Variants in ADGRG2 observed in about 807,000 individuals in gnomAD.
The protein encoded by ADGRG2 is G protein-coupled receptor 64.
A neutral mutation model predicts 74.1 loss-of-function variants in ADGRG2; 26 were observed. The observed-to-expected ratio is 0.35, with a 90% CI of 0.26 to 0.49. The LOEUF (loss-of-function observed/expected upper bound fraction) is 0.49. Ranked by LOEUF, ADGRG2 falls within the 20% of genes least tolerant of loss-of-function variation. ADGRG2 has a pLI of 0.99. For missense variants in ADGRG2, 619 were observed against 763.1 expected (o/e 0.81, Z 2.22); for synonymous variants, 296 against 295.2 (o/e 1.00, Z -0.03).
chrX:19,054,991 T>G (rs1204244533), intron 3 of ADGRG2, among the ~76,000 whole-genome samples: 1 of 111,821 alleles, frequency 8.9e-6, no homozygotes, highest in Non-Finnish European at 1.9e-5. Context: ...TTCTGCAGGA[T>G]ATCCATACTG....
chrX:19,054,687 T>A (rs750744651), intron 3 of ADGRG2, among the ~76,000 whole-genome samples: 4 of 112,287 alleles, frequency 3.6e-5, no homozygotes, highest in Non-Finnish European at 7.5e-5. Flanking sequence ...CATGCTAGCA[T>A]GTGTGGTGGC....
intron 1 of ADGRG2, among the ~76,000 whole-genome samples, chrX:19,100,184 G>A (rs1465528901): frequency 2.7e-5 from 3 of 112,696 alleles, no homozygotes; most frequent in Non-Finnish European, 5.6e-5. Context: ...AGATGACATC[G>A]TGTTCCTGAC....
In ADGRG2 at chrX:19,068,808, GC is replaced by G; in HGVS notation, c.26del (p.Gly9AlafsTer11). On this transcript the variant is annotated frameshift_variant, in exon 3 of 29. Transcript: ENST00000379869. LOFTEE classifies it high-confidence loss of function. ...AAACTTCTTCAGTTCTGCCAACATG[GC>G]CACACTGCCTGACAGAGAAAACCAT... MVFSVRQC[G>X]HVGRTEEVLL... is the part of the protein sequence containing the mutation. 8.9e-7 allele frequency: 1 copy of G among 1,127,055 alleles called. No individual in the cohort carries two copies. Among genetic ancestry groups the G allele is most frequent in the Non-Finnish European group, 1.2e-6 (1 of 824,516 alleles). The allele number at this position is 1,127,055 out of a possible 1,213,427, so 92.9% of individuals were successfully genotyped here.
At chrX:19,028,040 G>C (rs1485213742) in intron 10 of ADGRG2, 143 bp downstream of exon 10, 1 of 418,312 alleles carries the variant, frequency 2.4e-6, no homozygotes, top group East Asian at 4.3e-5. Flanking sequence ...CAAAGCTAGG[G>C]ACTCAATTAA....
intron 3 of ADGRG2, among the ~76,000 whole-genome samples, chrX:19,060,135 A>AAAAT (rs752636343): frequency 1.5e-4 from 17 of 111,465 alleles, no homozygotes; most frequent in South Asian, 1.1e-3. Context: ...CTGTCTCAGA[A>AAAAT]AAATAAATAA....
chrX:19,026,932 G>A (rs1219387415), intron 11 of ADGRG2, among the ~76,000 whole-genome samples: 1 of 111,946 alleles, frequency 8.9e-6, no homozygotes, highest in African/African-American at 3.2e-5. Context: ...TATATTTGGA[G>A]TCCCACCTTG....
At chrX:18,997,143 C>G (rs962370774) in intron 26 of ADGRG2, among the ~76,000 whole-genome samples, 2 of 111,755 alleles carry the variant, frequency 1.8e-5, no homozygotes, top group Admixed American at 1.9e-4. Context: ...TGCCCACCGT[C>G]AAGACCCATG....
intron 1 of ADGRG2, among the ~76,000 whole-genome samples, chrX:19,098,087 A>C (rs760771494): frequency 8.8e-6 from 1 of 113,033 alleles, no homozygotes; most frequent in South Asian, 3.6e-4. Flanking sequence ...GGCAGGCGCC[A>C]GGCCAATGCT....
intron 1 of ADGRG2, among the ~76,000 whole-genome samples, chrX:19,108,595 C>CA (rs1368493980): frequency 1.8e-5 from 2 of 112,174 alleles, no homozygotes; most frequent in Non-Finnish European, 3.8e-5. Context: ...CAGTGACAAT[C>CA]ACCCAACTAT....
intron 20 of ADGRG2, among the ~76,000 whole-genome samples, 153 bp downstream of exon 20, chrX:19,007,082 C>A (rs781244727): frequency 9.0e-6 from 1 of 111,481 alleles, no homozygotes; most frequent in Non-Finnish European, 1.9e-5. Flanking sequence ...GTGTTAAAAT[C>A]CAATGGAGAG....
At chrX:19,005,605 G>C (rs1353564755) in intron 22 of ADGRG2, among the ~76,000 whole-genome samples, 1 of 104,409 alleles carries the variant, frequency 9.6e-6, no homozygotes, top group Non-Finnish European at 2.0e-5. Context: ...CCAGACTGGA[G>C]TACAATGGTG....
chrX:19,094,749 G>A (rs2062068116), intron 1 of ADGRG2, among the ~76,000 whole-genome samples: 1 of 112,555 alleles, frequency 8.9e-6, no homozygotes, highest in Non-Finnish European at 1.9e-5. Flanking sequence ...GACTCTGCCC[G>A]GTTCCACCGG....
chrX:19,122,885 C>T (rs999217746), upstream of ADGRG2, among the ~76,000 whole-genome samples: 10 of 112,038 alleles, frequency 8.9e-5, no homozygotes, highest in Middle Eastern at 0.014. Flanking sequence ...ACCCCAACCT[C>T]CAGACTCAGC....
At chrX:19,102,540 T>C (rs1034783616) in intron 1 of ADGRG2, among the ~76,000 whole-genome samples, 2 of 108,213 alleles carry the variant, frequency 1.8e-5, no homozygotes, top group African/African-American at 6.8e-5. Flanking sequence ...ATTTAAATTA[T>C]AACACTTTAA....
intron 28 of ADGRG2, among the ~76,000 whole-genome samples, chrX:18,991,983 C>T (rs2059931217): frequency 1.8e-5 from 2 of 111,670 alleles, no homozygotes; most frequent in African/African-American, 3.3e-5. Context: ...AGTGCTCTCC[C>T]CAAGGTCACA....
At chrX:19,010,847 T>G in intron 16 of ADGRG2, 69 bp from the exon 17 acceptor site, 1 of 809,289 alleles carries the variant, frequency 1.2e-6, no homozygotes, top group Non-Finnish European at 1.8e-6. Context: ...TAAACGTACA[T>G]AGACCCTGTG....
intron 1 of ADGRG2, among the ~76,000 whole-genome samples, chrX:19,114,016 G>A (rs1264773271): frequency 9.8e-6 from 1 of 102,243 alleles, no homozygotes; most frequent in East Asian, 3.1e-4. Flanking sequence ...AGGTTGCAGT[G>A]AGCCGAGATT....
intron 3 of ADGRG2, among the ~76,000 whole-genome samples, chrX:19,054,079 T>A (rs1268202195): frequency 8.9e-6 from 1 of 112,097 alleles, no homozygotes; most frequent in African/African-American, 3.2e-5. Context: ...AGCCAAACCA[T>A]ATCAAGGATG....
At chrX:19,107,364 A>G (rs920350445) in intron 1 of ADGRG2, among the ~76,000 whole-genome samples, 2 of 112,971 alleles carry the variant, frequency 1.8e-5, no homozygotes, top group African/African-American at 3.2e-5. Context: ...TTCATTTCAG[A>G]CAATATTTGC....
Sources: allele counts gnomAD v4.1 joint callset (sites outside exome capture counted in the v4.1 genomes callset), GRCh38; gene constraint gnomAD v4.1.1; transcripts MANE v1.5; gene names NCBI Gene and HGNC (gene_info 2026-07-23, HGNC 2026-07-21).